CLYBL: variants seen among roughly 807,000 people sequenced by gnomAD.
The protein encoded by CLYBL is citramalyl-CoA lyase, mitochondrial.
In CLYBL, 31 loss-of-function variants were observed where a neutral mutation model predicts 38.9. That is an observed-to-expected ratio of 0.80 (90% CI 0.60 to 1.08). CLYBL has a LOEUF of 1.08. Among genes scored for constraint, CLYBL ranks in the 50% least tolerant of loss-of-function variants. The probability of loss-of-function intolerance (pLI) is 0.00; values close to 1 mark genes in which losing one functional copy is unlikely to be tolerated. For missense variants in CLYBL, 434 were observed against 411.6 expected, an observed-to-expected ratio of 1.05 and a Z score of -0.47; for synonymous variants, 171 against 158.6, an observed-to-expected ratio of 1.08 and a Z score of -0.59.
chr13:99,634,048 T>C (rs2046986065), intron 1 of CLYBL, among the ~76,000 whole-genome samples: 1 of 151,954 alleles, frequency 6.6e-6, no homozygotes, highest in South Asian at 2.1e-4. Context: ...CTCAGCAAGA[T>C]AAATTAAAAC....
intron 1 of CLYBL, among the ~76,000 whole-genome samples, chr13:99,745,603 G>A (rs1006134516): frequency 5.9e-5 from 9 of 152,306 alleles, no homozygotes; most frequent in Admixed American, 4.6e-4. Context: ...AAGCCTTCAC[G>A]ATCACATCCA....
intron 1 of CLYBL, among the ~76,000 whole-genome samples, chr13:99,624,589 G>A (rs570406017): frequency 6.6e-6 from 1 of 152,172 alleles, no homozygotes; most frequent in Non-Finnish European, 1.5e-5. Flanking sequence ...CGCATCTTCC[G>A]TACAACTGGT....
chr13:99,742,175 T>C (rs991031234), intron 1 of CLYBL, among the ~76,000 whole-genome samples: 1 of 152,218 alleles, frequency 6.6e-6, no homozygotes, highest in African/African-American at 2.4e-5. Flanking sequence ...GAGCACTCGG[T>C]TCCGGGAGCC....
chr13:99,706,330 A>T (rs889256584), intron 1 of CLYBL, among the ~76,000 whole-genome samples: 5 of 152,146 alleles, frequency 3.3e-5, no homozygotes, highest in Non-Finnish European at 7.3e-5. Flanking sequence ...AAAGAGCAAA[A>T]CTACAAAAAC....
intron 1 of CLYBL, among the ~76,000 whole-genome samples, chr13:99,634,602 A>G (rs879719049): frequency 6.6e-6 from 1 of 152,218 alleles, no homozygotes; most frequent in Non-Finnish European, 1.5e-5. Context: ...AAAGGAGACT[A>G]AATTATTATT....
intron 1 of CLYBL, among the ~76,000 whole-genome samples, chr13:99,639,506 A>G (rs529844299): frequency 2.0e-5 from 3 of 152,362 alleles, no homozygotes; most frequent in Admixed American, 1.3e-4. Context: ...GCAGTCATGT[A>G]AATGCATTTA....
rs147294493 is a variant in CLYBL at position 99,871,747 on chromosome 13, T to C, written c.927+685T>C. On this transcript the variant is annotated intron_variant, in intron 7 of 8. Transcript: ENST00000339105. Reference sequence around the variant, plus strand: ...AAATTAGGTGTCGCCTGAAGGAAGATTTTATGCTAGTTGCAGCATTGTCAG... The same window carrying C: ...AAATTAGGTGTCGCCTGAAGGAAGACTTTATGCTAGTTGCAGCATTGTCAG... Among the ~76,000 whole-genome samples the C allele has an allele frequency of 4.0e-3, 612 of 152,270 alleles. 2 individuals are homozygous for C. Among genetic ancestry groups the C allele is most frequent in the Admixed American group, 6.0e-3 (92 of 15,296 alleles).
intron 1 of CLYBL, among the ~76,000 whole-genome samples, chr13:99,730,226 CT>C (rs965483283): frequency 6.6e-6 from 1 of 152,220 alleles, no homozygotes; most frequent in African/African-American, 2.4e-5. Flanking sequence ...CAGCTGAGGC[CT>C]CACTTTTCTG....
intron 2 of CLYBL, among the ~76,000 whole-genome samples, chr13:99,793,068 A>ACACAC (rs1566329333): frequency 6.7e-6 from 1 of 149,574 alleles, no homozygotes; most frequent in South Asian, 2.1e-4. Flanking sequence ...ACACACACAC[A>ACACAC]AAGTACGTAG....
intron 1 of CLYBL, among the ~76,000 whole-genome samples, chr13:99,721,187 G>A (rs746576686): frequency 5.9e-5 from 9 of 151,844 alleles, no homozygotes; most frequent in Non-Finnish European, 1.2e-4. Flanking sequence ...GGGATTACAG[G>A]CACCCACCAC....
intron 2 of CLYBL, among the ~76,000 whole-genome samples, chr13:99,781,966 C>T (rs2049665151): frequency 6.6e-6 from 1 of 152,230 alleles, no homozygotes; most frequent in African/African-American, 2.4e-5. Flanking sequence ...TTCTCTCGCA[C>T]TGTATGCGTT....
chr13:99,692,292 T>TG (rs1026554209), intron 1 of CLYBL, among the ~76,000 whole-genome samples: 7 of 134,730 alleles, frequency 5.2e-5, no homozygotes, highest in East Asian at 2.9e-4. Context: ...TTTTGTTTTT[T>TG]TTTTTTTGTT....
chr13:99,787,665 ATT>A (rs1566327228), intron 2 of CLYBL, among the ~76,000 whole-genome samples: 2 of 152,166 alleles, frequency 1.3e-5, no homozygotes, highest in African/African-American at 4.8e-5. Context: ...TTGGCTTAGG[ATT>A]GACTTGGCGA....
chr13:99,885,157 C>T, intron 7 of CLYBL: 1 of 509,218 alleles, frequency 2.0e-6, no homozygotes. Flanking sequence ...TTGTGAAAGA[C>T]AGCAATGTAA....
chr13:99,849,082 T>G lies in CLYBL; in HGVS notation c.250-9779T>G, dbSNP rs1359725894. The stretch of plus-strand genomic sequence containing the variant: ...TGAACCCAGGAGGTGGAGGCTGCAG[T>G]GAGCCGAGATCGTGCCATTACACTC... On this transcript the variant is annotated intron_variant, in intron 2 of 8. Coordinates refer to ENST00000339105, the MANE Select transcript of CLYBL (RefSeq NM_206808.5). This position sits in a 1 kb window ranked among gnomAD's most constrained non-coding sequence, Gnocchi z 4.9. 6.6e-6 allele frequency among the ~76,000 whole-genome samples: 1 copy of G among 151,144 alleles called. No individual in the cohort carries two copies. The highest frequency in any genetic ancestry group is 1.5e-5 in the Non-Finnish European group (1 of 67,918).
chr13:99,880,909 C>T (rs1168806485), intron 7 of CLYBL, among the ~76,000 whole-genome samples: 1 of 152,204 alleles, frequency 6.6e-6, no homozygotes. Context: ...ACTAACTGCC[C>T]AGGGTGCAGA....
chr13:99,881,591 T>TC (rs1414334807), intron 7 of CLYBL, among the ~76,000 whole-genome samples: 1 of 147,364 alleles, frequency 6.8e-6, no homozygotes, highest in East Asian at 2.0e-4. Context: ...TCCAGTTAAT[T>TC]TTTTTTTTTT....
chr13:99,707,843 G>A (rs1281305227), intron 1 of CLYBL, among the ~76,000 whole-genome samples: 1 of 152,130 alleles, frequency 6.6e-6, no homozygotes, highest in Non-Finnish European at 1.5e-5. Flanking sequence ...TAGGGTTGAG[G>A]CAAGCACAAA....
At chr13:99,793,005 ACTTCTT>A (rs1044471131) in intron 2 of CLYBL, among the ~76,000 whole-genome samples, 1 of 150,084 alleles carries the variant, frequency 6.7e-6, no homozygotes, top group Non-Finnish European at 1.5e-5. Context: ...TCTCATTTAT[ACTTCTT>A]CTTGTGCACA....
Sources: allele counts gnomAD v4.1 joint callset (sites outside exome capture counted in the v4.1 genomes callset), GRCh38; gene constraint gnomAD v4.1.1; non-coding constraint Gnocchi (gnomAD v3.1); transcripts MANE v1.5; gene names NCBI Gene and HGNC (gene_info 2026-07-23, HGNC 2026-07-21).